The following TSSK3 variants were observed in gnomAD, a reference collection of about 807,000 sequenced individuals.
The protein encoded by TSSK3 is testis-specific serine/threonine-protein kinase 3.
A neutral mutation model predicts 18.9 loss-of-function variants in TSSK3; 16 were observed. That is an observed-to-expected ratio of 0.85 (90% CI 0.57 to 1.28). The LOEUF (loss-of-function observed/expected upper bound fraction) is 1.28, where lower values mean the gene tolerates loss of function less well. TSSK3 is among the 50% of genes most tolerant of loss of function. The pLI, the probability that TSSK3 is intolerant of heterozygous loss-of-function variation, is 0.00. For synonymous variants in TSSK3, 146 were observed against 133.9 expected (o/e 1.09, Z -0.62); for missense variants, 345 against 341.0 (o/e 1.01, Z -0.09).
At position 32,362,960 on chromosome 1, in the gene TSSK3, A is replaced by G. The variant is rs1040234144; in HGVS notation, c.145+114A>G. The G allele has an allele frequency of 1.0e-5, 14 of 1,336,464 alleles. No homozygotes were observed. The African/African-American group carries it at 2.0e-4, about 19-fold the overall frequency. The allele number at this position is 1,336,464 out of a possible 1,614,324, so 82.8% of individuals were successfully genotyped here. A position where few individuals can be genotyped will look rare whatever the true frequency, so the allele number is the denominator to read the frequency against. On this transcript the variant is annotated intron_variant, in intron 1 of 1. Coordinates refer to ENST00000373534, the MANE Select transcript of TSSK3 (RefSeq NM_052841.4). ...CATTCCCTGCTCCCGCTGGCCTGGAACCAAGCAAGCCCGATGGCAGCTCTG... is the reference window on the plus strand; with the variant it reads ...CATTCCCTGCTCCCGCTGGCCTGGAGCCAAGCAAGCCCGATGGCAGCTCTG...
At chr1:32,362,933 A>C in intron 1 of TSSK3, 87 bp downstream of exon 1, 1 of 1,505,440 alleles carries the variant, frequency 6.6e-7, no homozygotes, top group Non-Finnish European at 9.1e-7. Context: ...CGATCATTCG[A>C]TCATTCCCTG....
At chr1:32,363,479 A>C in intron 1 of TSSK3, 116 bp from the exon 2 acceptor site, 1 of 984,854 alleles carries the variant, frequency 1.0e-6, no homozygotes, top group Non-Finnish European at 1.5e-6. Context: ...GACCATTAAG[A>C]AAGCCAAGAA....
Position 32,364,305 on chromosome 1 carries a change from C to T in TSSK3, c.*49C>T, listed in dbSNP as rs1446282456. 24 of 1,510,104 alleles carry T rather than the reference C, an allele frequency of 1.6e-5. No individual in the cohort carries two copies. The highest frequency in any genetic ancestry group is 2.1e-5 in the Non-Finnish European group (24 of 1,130,326). The allele number at this position is 1,510,104 out of a possible 1,614,324, so 93.5% of individuals were successfully genotyped here. A position where few individuals can be genotyped will look rare whatever the true frequency, so the allele number is the denominator to read the frequency against. ...CAATAAAGTAGGGGGAGAAAGCAAA[C>T]CCAAAAACCCGCTTCTAAAATGGTG... On this transcript the variant is annotated 3_prime_UTR_variant, in exon 2 of 2. Coordinates refer to ENST00000373534, the MANE Select transcript of TSSK3 (RefSeq NM_052841.4).
At position 32,362,564 on chromosome 1, in the gene TSSK3, G is replaced by C; in HGVS notation, c.-138G>C. 2.0e-6 allele frequency: 2 copies of C among 1,012,630 alleles called. No homozygotes were observed. Among genetic ancestry groups the C allele is most frequent in the Middle Eastern group, 3.0e-4 (1 of 3,352 alleles). The allele number at this position is 1,012,630 out of a possible 1,614,324, so 62.7% of individuals were successfully genotyped here. A position where few individuals can be genotyped will look rare whatever the true frequency, so the allele number is the denominator to read the frequency against. On this transcript the variant is annotated 5_prime_UTR_variant, in exon 1 of 2. Transcript: ENST00000373534. ...CCACCCGCCGCTGTGTCCAGACAGA[G>C]AATGTTCTAACGCTGGGGGCGGCTG... is the stretch of plus-strand genomic sequence containing the variant.
At chr1:32,363,391 C>T (rs189803807) in intron 1 of TSSK3, 1 of 594,660 alleles carries the variant, frequency 1.7e-6, no homozygotes. Context: ...GGGAGTGCTT[C>T]TTTTGAATGA....
chr1:32,362,924 G>A, intron 1 of TSSK3, 78 bp downstream of exon 1: 3 of 1,509,406 alleles, frequency 2.0e-6, no homozygotes, highest in African/African-American at 2.7e-5. Context: ...TTGTTAGAAC[G>A]ATCATTCGAT....
chr1:32,362,972 C>A, intron 1 of TSSK3, 126 bp downstream of exon 1: 1 of 1,155,756 alleles, frequency 8.7e-7, no homozygotes, highest in Admixed American at 1.9e-5. Context: ...CAAGCAAGCC[C>A]GATGGCAGCT....
intron 1 of TSSK3, 64 bp downstream of exon 1, chr1:32,362,910 C>A (rs925351720): frequency 1.3e-6 from 2 of 1,574,954 alleles, no homozygotes; most frequent in Non-Finnish European, 8.7e-7. Flanking sequence ...GTGCTTCCTC[C>A]TGTTTGTTAG....
Position 32,364,006 on chromosome 1 carries a change from A to G in TSSK3, c.557A>G (p.His186Arg). ...AAPEVLQGIP[H>R]DSKKGDVWSM... ...CCCGAGGTGCTGCAGGGCATTCCCC[A>G]CGATAGCAAAAAAGGTGATGTCTGG... The change falls in exon 2 of 2, where the codon CAC (histidine) becomes CGC (arginine). Residue 186 changes from histidine to arginine, a missense_variant. His to Arg is a conservative substitution (Grantham distance 29). Coordinates refer to ENST00000373534, the MANE Select transcript of TSSK3 (RefSeq NM_052841.4). 2 of 1,614,234 alleles carry G rather than the reference A, an allele frequency of 1.2e-6. No individual in the cohort carries two copies. Among genetic ancestry groups the G allele is most frequent in the Non-Finnish European group, 1.7e-6 (2 of 1,180,040 alleles).
rs747118903 is a variant in TSSK3, at chr1:32,364,154, G to A, written c.705G>A (p.Ser235=). The change falls in exon 2 of 2, where the codon TCG becomes TCA. Residue 235 remains serine, a synonymous_variant. Transcript: ENST00000373534. The stretch of plus-strand genomic sequence containing the variant: ...CCTTCCCCACTCATCTGAGCATCTC[G>A]GCCGATTGCCAGGACCTGCTCAAGA... ...GVSFPTHLSI[S]ADCQDLLKRL... is the part of the protein sequence containing the mutation. The A allele has an allele frequency of 1.2e-5, 20 of 1,614,058 alleles. No individual in the cohort carries two copies. The highest frequency in any genetic ancestry group is 6.7e-5 in the African/African-American group (5 of 74,930).
Position 32,363,592 on chromosome 1 carries a change from CAG to C in TSSK3, c.146_147del, listed in dbSNP as rs1388995694. ...CCCATCTCTCCTCCCCTTACTTCCT[CAG>C]AGTTTATCCAGAGATTCCTCCCTCG... On this transcript the variant is annotated splice_acceptor_variant, in intron 1 of 1. Transcript: ENST00000373534. LOFTEE classifies it high-confidence loss of function. 3.7e-6 allele frequency: 6 copies of C among 1,605,438 alleles called. No individual in the cohort carries two copies. Among genetic ancestry groups the C allele is most frequent in the Non-Finnish European group, 5.1e-6 (6 of 1,173,834 alleles).
In TSSK3 at chr1:32,363,689, C is replaced by T. The variant is rs147988366; in HGVS notation, c.240C>T (p.Ala80=). ...IIQVYEMLES[A]DGKICLVMEL... ...AGGTGTATGAGATGCTGGAGTCTGC[C>T]GACGGGAAAATCTGCCTGGTGATGG... Residue 80 remains alanine (A), a synonymous_variant, in exon 2 of 2, where the codon GCC becomes GCT. Coordinates refer to ENST00000373534, the MANE Select transcript of TSSK3 (RefSeq NM_052841.4). 265 of 1,614,062 alleles carry T rather than the reference C, an allele frequency of 1.6e-4. 1 individual carries two copies. The highest frequency in any genetic ancestry group is 3.8e-5 in the Non-Finnish European group (45 of 1,180,038).
At chr1:32,362,977 G>A (rs1372144894) in intron 1 of TSSK3, 131 bp downstream of exon 1, 10 of 1,115,370 alleles carry the variant, frequency 9.0e-6, no homozygotes, top group Non-Finnish European at 1.3e-5. Flanking sequence ...AAGCCCGATG[G>A]CAGCTCTGGA....
chr1:32,363,607 G>C lies in TSSK3; in HGVS notation c.158G>C (p.Arg53Thr). Residue 53 changes from arginine to threonine, a missense_variant, in exon 2 of 2, where the codon AGA becomes ACA. Transcript: ENST00000373534. ...CTTACTTCCTCAGAGTTTATCCAGA[G>C]ATTCCTCCCTCGGGAGCTCCAAATC... ...KMGGPEEFIQ[R>T]FLPRELQIVR... The C allele has an allele frequency of 6.2e-7, 1 of 1,610,082 alleles. No individual in the cohort carries two copies.
chr1:32,363,247 G>A (rs1394832765), intron 1 of TSSK3: 10 of 354,556 alleles, frequency 2.8e-5, no homozygotes, highest in South Asian at 1.1e-4. Context: ...GGACAGTGGC[G>A]GGAGGAGCTG....
rs909008271 is a variant in TSSK3 at position 32,363,221 on chromosome 1, G to GAATT, written c.146-373_146-370dup. 7 of 345,124 alleles carry GAATT rather than the reference G, an allele frequency of 2.0e-5. No individual in the cohort carries two copies. In the Admixed American group the frequency reaches 2.6e-4, roughly 13 times the overall value. The allele number at this position is 345,124 out of a possible 1,614,324, so 21.4% of individuals were successfully genotyped here. On this transcript the variant is annotated intron_variant, in intron 1 of 1. Transcript: ENST00000373534. ...AAAAGGAAGACAGGGCTCATGGAAA[G>GAATT]AATTGTGGGGTCAGGGGACAGTGGC...
Position 32,363,667 on chromosome 1 carries a change from TGTATGA to T in TSSK3, c.220_225del (p.Tyr74_Glu75del). ...CTGGACCACAAGAACATCATCCAGG[TGTATGA>T]GATGCTGGAGTCTGCCGACGGGAAA... On this transcript the variant is annotated inframe_deletion, in exon 2 of 2. Coordinates refer to ENST00000373534, the MANE Select transcript of TSSK3 (RefSeq NM_052841.4). 1 of 1,614,056 alleles carries T rather than the reference TGTATGA, an allele frequency of 6.2e-7. No homozygotes were observed. The highest frequency in any genetic ancestry group is 1.6e-4 in the Middle Eastern group (1 of 6,062).
chr1:32,362,768 A>G lies in TSSK3; in HGVS notation c.67A>G (p.Lys23Glu), dbSNP rs372109456. 14 of 1,614,162 alleles carry G rather than the reference A, an allele frequency of 8.7e-6. No individual in the cohort carries two copies. The highest frequency in any genetic ancestry group is 1.1e-5 in the Non-Finnish European group (13 of 1,180,014). ...GKTIGEGTYS[K>E]VKEAFSKKHQ... ...GACCATTGGGGAAGGGACCTACTCA[A>G]AAGTCAAAGAAGCATTTTCCAAAAA... Residue 23 changes from lysine to glutamate, a missense_variant, in exon 1 of 2, where the codon AAA (lysine) becomes GAA (glutamate). Lys to Glu is a moderately conservative substitution (Grantham distance 56, BLOSUM62 1). Transcript: ENST00000373534.
rs551429584 is a variant in TSSK3 at position 32,363,866 on chromosome 1, C to T, written c.417C>T (p.Asn139=). The change falls in exon 2 of 2, where the codon AAC becomes AAT. Residue 139 remains asparagine (N), a synonymous_variant. Coordinates refer to ENST00000373534, the MANE Select transcript of TSSK3 (RefSeq NM_052841.4). ...CCCACCGGGACCTCAAATGTGAGAA[C>T]GCCTTGTTGCAGGGCTTCAACCTGA... The part of the protein sequence containing the change: ...GVAHRDLKCE[N]ALLQGFNLKL... 5.3e-5 allele frequency: 85 copies of T among 1,614,176 alleles called. No homozygotes were observed. The South Asian group carries it at 7.6e-4, about 14-fold the overall frequency.
Sources: gnomAD v4.1 joint callset for allele counts on GRCh38, gnomAD v4.1.1 for gene constraint, MANE v1.5 for transcripts, NCBI Gene and HGNC (gene_info 2026-07-23, HGNC 2026-07-21) for gene names.